The following SLC4A1 variants were observed in gnomAD, a reference collection of about 807,000 sequenced individuals.
SLC4A1 encodes the protein solute carrier family 4 member 1 (Diego blood group), also known as band 3 anion transport protein.
A neutral mutation model predicts 93.1 loss-of-function variants in SLC4A1; 29 were observed. The ratio of observed to expected loss-of-function variants is 0.31; its 90% CI spans 0.23 to 0.42. SLC4A1 has a LOEUF of 0.42. SLC4A1 is among the 20% of genes least tolerant of loss of function. The pLI, the probability that SLC4A1 is intolerant of heterozygous loss-of-function variation, is 1.00. For synonymous variants in SLC4A1, 469 were observed against 497.2 expected (o/e 0.94, Z 0.76); for missense variants, 965 against 1,190.1 (o/e 0.81, Z 2.78).
chr17:44,260,932 C>T, intron 4 of SLC4A1, 117 bp from the exon 5 acceptor site: 1 of 1,163,852 alleles, frequency 8.6e-7, no homozygotes, highest in South Asian at 1.3e-5. Context: ...GCTCAAGGGT[C>T]CGTAGATACG....
intron 3 of SLC4A1, chr17:44,262,040 C>A: frequency 8.5e-7 from 1 of 1,172,382 alleles, no homozygotes; most frequent in Non-Finnish European, 1.1e-6. Context: ...CCTCAATGAG[C>A]CCGTCAGCAC....
Position 44,261,586 on chromosome 17 carries a change from C to T in SLC4A1, c.157G>A (p.Gly53Ser). The stretch of plus-strand genomic sequence containing the variant: ...GCTGGGGTCCTCACCTTGTGGGTAC[C>T]CGGGTGTGATGTGGTGTGGTAGTCT... The part of the protein sequence containing the change: ...ATDYHTTSHP[G>S]THKVYVELQE... The change falls in exon 4 of 20, where the codon GGT becomes AGT. Residue 53 changes from glycine (G) to serine (S), a missense_variant. By Grantham distance (56) the Gly-to-Ser change is moderately conservative (BLOSUM62 0). Coordinates refer to ENST00000262418, the MANE Select transcript of SLC4A1 (RefSeq NM_000342.4). 1 of 1,614,148 alleles carries T rather than the reference C, an allele frequency of 6.2e-7. No individual in the cohort carries two copies.
At position 44,260,420 on chromosome 17, in the gene SLC4A1, G is replaced by C; in HGVS notation, c.469C>G (p.Leu157Val). Residue 157 changes from leucine to valine, a missense_variant, in exon 6 of 20, where the codon CTG becomes GTG. Coordinates refer to ENST00000262418, the MANE Select transcript of SLC4A1 (RefSeq NM_000342.4). Reference protein sequence around the residue: ...PQDREELLRALLLKHSHAGEL... With the variant: ...PQDREELLRAVLLKHSHAGEL... The stretch of plus-strand genomic sequence containing the variant: ...CAGGGGCACCTGTGTTTAAGCAGCA[G>C]GGCCCGGAGCAGCTCCTCTCGGTCC... The C allele has an allele frequency of 6.2e-7, 1 of 1,613,246 alleles. No homozygotes were observed. The highest frequency in any genetic ancestry group is 8.5e-7 in the Non-Finnish European group (1 of 1,179,706).
Position 44,259,337 on chromosome 17 carries a change from G to T in SLC4A1, c.702C>A (p.Ala234=), listed in dbSNP as rs188161190. The T allele has an allele frequency of 6.2e-7, 1 of 1,613,580 alleles. No individual in the cohort carries two copies. The highest frequency in any genetic ancestry group is 1.1e-5 in the South Asian group (1 of 91,012). The change falls in exon 9 of 20, where the codon GCC becomes GCA. Residue 234 remains alanine, a synonymous_variant. Coordinates refer to ENST00000262418, the MANE Select transcript of SLC4A1 (RefSeq NM_000342.4). ...CCAGCACCGGCTGCTCCAGGAAGTC[G>T]GCGCGGCCTGTTAGGGGATGAGAAG... ...SEATLVLVGR[A]DFLEQPVLGF...
Position 44,250,194 on chromosome 17 carries a change from C to T in SLC4A1, c.*264G>A. 2 of 475,366 alleles carry T rather than the reference C, an allele frequency of 4.2e-6. No homozygotes were observed. Among genetic ancestry groups the T allele is most frequent in the East Asian group, 3.9e-5 (1 of 25,442 alleles). 29.4% of individuals were successfully genotyped at this position (475,366 alleles called of 1,614,324 possible). ...AGATCTAAGTCTTCCAGCACGGGAT[C>T]CCCAGTGAAAGTGTGGCAACAGGAG... On this transcript the variant is annotated 3_prime_UTR_variant, in exon 20 of 20. Coordinates refer to ENST00000262418, the MANE Select transcript of SLC4A1 (RefSeq NM_000342.4).
In SLC4A1 at chr17:44,258,270, T is replaced by C. The variant is rs1410673039; in HGVS notation, c.1088-90A>G. On this transcript the variant is annotated intron_variant, in intron 10 of 19. Coordinates refer to ENST00000262418, the MANE Select transcript of SLC4A1 (RefSeq NM_000342.4). This position sits in a 1 kb window ranked among gnomAD's most constrained non-coding sequence, Gnocchi z 6.1. The stretch of plus-strand genomic sequence containing the variant: ...GGAGGGTGTAGGGGAGATTGTCTGA[T>C]GGGAATGGGGCGGCGAAGAAGTCTG... The C allele has an allele frequency of 3.4e-6, 5 of 1,449,892 alleles. No individual in the cohort carries two copies. Among genetic ancestry groups the C allele is most frequent in the East Asian group, 2.3e-5 (1 of 44,008 alleles). The allele number at this position is 1,449,892 out of a possible 1,614,324, so 89.8% of individuals were successfully genotyped here. A position where few individuals can be genotyped will look rare whatever the true frequency, so the allele number is the denominator to read the frequency against.
chr17:44,262,551 G>A (rs1377124536), intron 3 of SLC4A1, 85 bp downstream of exon 3: 7 of 978,454 alleles, frequency 7.2e-6, no homozygotes, highest in Non-Finnish European at 1.1e-5. Context: ...GGAGGACTGT[G>A]GAGAAGGGGA....
rs1253898783 is a variant in SLC4A1 at position 44,258,228 on chromosome 17, T to A, written c.1088-48A>T. On this transcript the variant is annotated intron_variant, in intron 10 of 19. Coordinates refer to ENST00000262418, the MANE Select transcript of SLC4A1 (RefSeq NM_000342.4). The surrounding 1 kb of genome is among the most constrained non-coding windows in gnomAD (Gnocchi z 6.1). ...GGTCAGAGGGAGTAGCTGGAGGAGG[T>A]GAGGGGAAAGGGGACTGGAGGGTGT... The A allele has an allele frequency of 1.9e-6, 3 of 1,579,632 alleles. No homozygotes were observed. The highest frequency in any genetic ancestry group is 2.6e-6 in the Non-Finnish European group (3 of 1,152,140).
In SLC4A1 at chr17:44,251,524, G is replaced by C; in HGVS notation, c.2376C>G (p.Phe792Leu). The C allele has an allele frequency of 6.2e-7, 1 of 1,614,134 alleles. No individual in the cohort carries two copies. Residue 792 changes from phenylalanine to leucine, a missense_variant, in exon 18 of 20, where the codon TTC becomes TTG. Coordinates refer to ENST00000262418, the MANE Select transcript of SLC4A1 (RefSeq NM_000342.4). ...RIPLAVLFGI[F>L]LYMGVTSLSG... ...TGAGCGACGTGACCCCCATGTAGAG[G>C]AAGATGCCAAACAGTACAGCCAGGG...
chr17:44,258,896 C>G lies in SLC4A1; in HGVS notation c.876+267G>C, dbSNP rs1173934488. ...TGAAACTAGAGCTGACTAGGCCCGA[C>G]CAAGCCTGACCTGACCAGGTGGAAC... On this transcript the variant is annotated intron_variant, in intron 9 of 19. Transcript: ENST00000262418. This position sits in a 1 kb window ranked among gnomAD's most constrained non-coding sequence, Gnocchi z 6.1. Among the ~76,000 whole-genome samples the G allele has an allele frequency of 6.6e-6, 1 of 152,124 alleles. No individual in the cohort carries two copies. Among genetic ancestry groups the G allele is most frequent in the African/African-American group, 2.4e-5 (1 of 41,392 alleles).
intron 17 of SLC4A1, among the ~76,000 whole-genome samples, chr17:44,252,038 C>T (rs1202698673): frequency 1.2e-4 from 18 of 144,794 alleles, no homozygotes; most frequent in Non-Finnish European, 6.0e-5. Context: ...TGGAGCTATT[C>T]CTATGGGTCT....
rs764372954 is a variant in SLC4A1 at position 44,251,149 on chromosome 17, A to G, written c.2655+10T>C. On this transcript the variant is annotated intron_variant, in intron 19 of 19. Transcript: ENST00000262418. ...CAGCTCTTGTGCCCCAGGCCCAGGC[A>G]GCCACTCACACACTGAAGCTCCACG... 6.3e-7 allele frequency: 1 copy of G among 1,589,498 alleles called. No homozygotes were observed. Among genetic ancestry groups the G allele is most frequent in the East Asian group, 2.3e-5 (1 of 43,766 alleles).
intron 8 of SLC4A1, 37 bp from the exon 9 acceptor site, chr17:44,259,381 G>GC: frequency 6.2e-7 from 1 of 1,611,902 alleles, no homozygotes; most frequent in South Asian, 1.1e-5. Flanking sequence ...AGGCCGAGGA[G>GC]CCCAGGGTGG....
At chr17:44,263,012 G>A (rs1413265596) in intron 1 of SLC4A1, 78 bp from the exon 2 acceptor site, 1 of 1,169,344 alleles carries the variant, frequency 8.6e-7, no homozygotes, top group Non-Finnish European at 1.3e-6. Context: ...GGGGCCACAT[G>A]TCAGTGGAGG....
At chr17:44,252,104 G>A (rs1321249965) in intron 17 of SLC4A1, among the ~76,000 whole-genome samples, 1 of 136,500 alleles carries the variant, frequency 7.3e-6, no homozygotes, top group Admixed American at 8.1e-5. Context: ...TGCCCAGGCT[G>A]GAGTGCAGTG....
intron 3 of SLC4A1, chr17:44,261,900 G>GTT: frequency 9.6e-7 from 1 of 1,036,726 alleles, no homozygotes. Flanking sequence ...TAGCCCCTCC[G>GTT]CAGTGATGAA....
Position 44,249,003 on chromosome 17 carries a change from G to A in SLC4A1, c.*1455C>T, listed in dbSNP as rs2144591862. 1 of 345,340 alleles carries A rather than the reference G, an allele frequency of 2.9e-6. No individual in the cohort carries two copies. Among genetic ancestry groups the A allele is most frequent in the East Asian group, 9.0e-5 (1 of 11,126 alleles). The allele number at this position is 345,340 out of a possible 1,614,324, so 21.4% of individuals were successfully genotyped here. On this transcript the variant is annotated 3_prime_UTR_variant, in exon 20 of 20. Transcript: ENST00000262418. ...GCCTTCTAAGTAGCTGGGATTACAG[G>A]TGCCTGCCACGAGACACCCAGCTAA...
At chr17:44,251,641 T>G in intron 17 of SLC4A1, 53 bp from the exon 18 acceptor site, 2 of 1,569,732 alleles carry the variant, frequency 1.3e-6, no homozygotes, top group African/African-American at 1.4e-5. Context: ...CTGGCACCAG[T>G]GGGGGGTCAG....
At chr17:44,262,801 G>A (rs1317316269) in intron 2 of SLC4A1, 51 bp downstream of exon 2, 1 of 1,609,444 alleles carries the variant, frequency 6.2e-7, no homozygotes, top group Non-Finnish European at 8.5e-7. Flanking sequence ...TCTAGGACCA[G>A]GTCCCCAGAG....
Sources: allele counts gnomAD v4.1 joint callset (sites outside exome capture counted in the v4.1 genomes callset), GRCh38; gene constraint gnomAD v4.1.1; non-coding constraint Gnocchi (gnomAD v3.1); transcripts MANE v1.5; gene names NCBI Gene and HGNC (gene_info 2026-07-23, HGNC 2026-07-21).